The following ASH1L variants were observed in gnomAD, a reference collection of about 807,000 sequenced individuals.
The protein encoded by ASH1L is ASH1 like histone lysine methyltransferase.
ASH1L carries 23 observed loss-of-function variants against 269.0 expected under a neutral mutation model. The ratio of observed to expected loss-of-function variants is 0.09; its 90% CI spans 0.06 to 0.12. ASH1L has a LOEUF of 0.12. Ranked by LOEUF, ASH1L falls within the 10% of genes least tolerant of loss-of-function variation. The pLI is 1.00. For missense variants in ASH1L, 2,912 were observed against 3,567.8 expected, an observed-to-expected ratio of 0.82 and a Z score of 4.68; for synonymous variants, 1,187 against 1,253.5, an observed-to-expected ratio of 0.95 and a Z score of 1.12.
Position 155,391,913 on chromosome 1 carries a change from A to G in ASH1L, c.6103+3546T>C, listed in dbSNP as rs1657959609. 2.0e-5 allele frequency among the ~76,000 whole-genome samples: 3 copies of G among 152,168 alleles called. No homozygotes were observed. In the South Asian group the frequency reaches 6.2e-4, roughly 32 times the overall value. On this transcript the variant is annotated intron_variant, in intron 7 of 27. Transcript: ENST00000392403. Reference sequence around the variant, plus strand: ...AGAGGCTGCAGTGAGCCAAGATTGCACTACTGCACTTGAGCCTCAACAACA... The same window carrying G: ...AGAGGCTGCAGTGAGCCAAGATTGCGCTACTGCACTTGAGCCTCAACAACA...
chr1:155,532,818 G>A (rs1272130561), intron 1 of ASH1L, among the ~76,000 whole-genome samples: 3 of 136,090 alleles, frequency 2.2e-5, no homozygotes, highest in Non-Finnish European at 4.6e-5. Flanking sequence ...GTGAGACTCT[G>A]TCTCAAAAAA....
intron 12 of ASH1L, among the ~76,000 whole-genome samples, chr1:155,368,618 G>C (rs1425030982): frequency 2.0e-5 from 3 of 151,818 alleles, no homozygotes; most frequent in African/African-American, 7.3e-5. Context: ...CACCACGCCC[G>C]GCTAATTTTT....
chr1:155,545,603 T>C (rs1389605210), intron 1 of ASH1L, among the ~76,000 whole-genome samples: 1 of 151,704 alleles, frequency 6.6e-6, no homozygotes, highest in African/African-American at 2.4e-5. Context: ...TGCTAGTCAT[T>C]TAAAGGAGAA....
At chr1:155,536,743 TAAA>T (rs1014648702) in intron 1 of ASH1L, among the ~76,000 whole-genome samples, 2 of 148,144 alleles carry the variant, frequency 1.4e-5, no homozygotes, top group African/African-American at 2.5e-5. Context: ...TAAAAAAAGT[TAAA>T]AGAAAAAAGA....
intron 1 of ASH1L, among the ~76,000 whole-genome samples, chr1:155,532,871 G>GTATATATATGTATATATATATGTA (rs1156541927): frequency 1.4e-5 from 2 of 147,112 alleles, no homozygotes; most frequent in Non-Finnish European, 3.0e-5. Context: ...ATATATATGT[G>GTATATATATGTATATATATATGTA]TATATATATG....
intron 5 of ASH1L, among the ~76,000 whole-genome samples, chr1:155,420,771 G>A (rs952668143): frequency 2.4e-4 from 36 of 150,784 alleles, no homozygotes; most frequent in Admixed American, 1.2e-3. Context: ...AATCACTTGA[G>A]CCCGGGAGGT....
At chr1:155,558,724 GTCT>G (rs369361869) in intron 1 of ASH1L, among the ~76,000 whole-genome samples, 24 of 152,146 alleles carry the variant, frequency 1.6e-4, no homozygotes, top group African/African-American at 4.3e-4. Context: ...TAGAAATGGG[GTCT>G]TCCTATGTTG....
rs61213200 is a variant in ASH1L at position 155,357,078 on chromosome 1, T to TACACACACACAC, written c.7055+226_7055+237dup. Among the ~76,000 whole-genome samples, 194 of 53,078 alleles carry TACACACACACAC rather than the reference T, an allele frequency of 3.7e-3. 1 individual carries two copies. The highest frequency in any genetic ancestry group is 0.035 in the East Asian group (42 of 1,186). The allele number at this position is 53,078 out of a possible 152,430, so 34.8% of individuals were successfully genotyped here. ...GGGTGACAGAGTAAGATCCCAGCTC[T>TACACACACACAC]ACACACACACACACACACACACACA... On this transcript the variant is annotated intron_variant, in intron 15 of 27. Transcript: ENST00000392403.
At chr1:155,495,148 G>T (rs531521759) in intron 2 of ASH1L, among the ~76,000 whole-genome samples, 1 of 152,282 alleles carries the variant, frequency 6.6e-6, no homozygotes, top group African/African-American at 2.4e-5. Context: ...AATGGAAAGA[G>T]AAATCTAAAA....
chr1:155,482,361 T>C lies in ASH1L; in HGVS notation c.509A>G (p.Glu170Gly), dbSNP rs1263596287. 2.5e-6 allele frequency: 4 copies of C among 1,614,088 alleles called. No homozygotes were observed. The highest frequency in any genetic ancestry group is 3.4e-6 in the Non-Finnish European group (4 of 1,180,020). Residue 170 changes from glutamate to glycine, a missense_variant, in exon 3 of 28, where the codon GAA becomes GGA. Glu to Gly is a moderately conservative substitution (Grantham distance 98). Coordinates refer to ENST00000392403, the MANE Select transcript of ASH1L (RefSeq NM_018489.3). ...CAGCTTCTTAGACAAAGGATTGTTT[T>C]CTCCCTGTGAATGAAGACGGATGAC... ...EEVIRLHSQG[E>G]NNPLSKKLSP...
chr1:155,443,235 G>A (rs1662742582), intron 4 of ASH1L, among the ~76,000 whole-genome samples: 1 of 152,120 alleles, frequency 6.6e-6, no homozygotes, highest in South Asian at 2.1e-4. Flanking sequence ...ATGAATATCA[G>A]TTTAAAAGAG....
chr1:155,362,323 C>T (rs920697438), intron 12 of ASH1L, among the ~76,000 whole-genome samples: 2 of 151,704 alleles, frequency 1.3e-5, no homozygotes, highest in Non-Finnish European at 1.5e-5. Context: ...CATGAGCCAC[C>T]GTGCTTGACT....
At chr1:155,425,871 C>T (rs1015382591) in intron 5 of ASH1L, among the ~76,000 whole-genome samples, 2 of 149,930 alleles carry the variant, frequency 1.3e-5, no homozygotes, top group Non-Finnish European at 3.0e-5. Context: ...AGCCCCCATG[C>T]CTGGCCTAAT....
intron 1 of ASH1L, among the ~76,000 whole-genome samples, chr1:155,545,175 CAAAAAAAAAAAAAAAAAA>C (rs10624841): frequency 4.6e-4 from 10 of 21,768 alleles, no homozygotes; most frequent in Admixed American, 3.8e-3. Flanking sequence ...TCCATCTCAC[CAAAAAAAAAAAAAAAAAA>C]AAAAAAAAAA....
chr1:155,364,540 A>G (rs1655237764), intron 12 of ASH1L, among the ~76,000 whole-genome samples: 2 of 152,110 alleles, frequency 1.3e-5, no homozygotes, highest in South Asian at 4.1e-4. Context: ...AATTTAGTTT[A>G]ATATTTCCCC....
chr1:155,490,968 CAAAAAAAAAAAAAAAAAAAAAAAAAAAAA>C (rs767615285), intron 2 of ASH1L, among the ~76,000 whole-genome samples: 19 of 61,406 alleles, frequency 3.1e-4, no homozygotes, highest in Admixed American at 1.4e-3. Flanking sequence ...ACCCTGATTC[CAAAAAAAAAAAAAAAAAAAAAAAAAAAAA>C]AAAAAAAAAA....
At chr1:155,395,399 C>T (rs752577732) in intron 7 of ASH1L, 60 bp downstream of exon 7, 30 of 1,251,618 alleles carry the variant, frequency 2.4e-5, no homozygotes, top group Non-Finnish European at 3.1e-5. Context: ...AAGACATTTC[C>T]CTCAAACCCA....
chr1:155,380,133 T>C lies in ASH1L; in HGVS notation c.6104-17A>G, dbSNP rs767427395. ...GATACTTTCCTGAAACAAAAAACAC[T>C]ATTAATTTCAATACCTTTTCTAATA... On this transcript the variant is annotated splice_polypyrimidine_tract_variant and intron_variant, in intron 7 of 27. Transcript: ENST00000392403. The C allele has an allele frequency of 6.3e-7, 1 of 1,590,250 alleles. No homozygotes were observed. The highest frequency in any genetic ancestry group is 8.6e-7 in the Non-Finnish European group (1 of 1,158,652).
intron 4 of ASH1L, among the ~76,000 whole-genome samples, chr1:155,442,660 TA>T: frequency 6.6e-6 from 1 of 151,426 alleles, no homozygotes; most frequent in East Asian, 1.9e-4. Context: ...TTACAACTCT[TA>T]AAAAGGCTCT....
Sources: allele counts gnomAD v4.1 joint callset (sites outside exome capture counted in the v4.1 genomes callset), GRCh38; gene constraint gnomAD v4.1.1; transcripts MANE v1.5; gene names NCBI Gene and HGNC (gene_info 2026-07-23, HGNC 2026-07-21).